Variants in TNNI3K observed in about 807,000 individuals in gnomAD.
The protein encoded by TNNI3K is serine/threonine-protein kinase TNNI3K.
A neutral mutation model predicts 114.5 loss-of-function variants in TNNI3K; 140 were observed. The ratio of observed to expected loss-of-function variants is 1.22; its 90% confidence interval spans 1.07 to 1.41. The LOEUF (loss-of-function observed/expected upper bound fraction) is 1.41, where lower values mean the gene tolerates loss of function less well. Among genes scored for constraint, TNNI3K ranks in the 40% most tolerant of loss-of-function variants. TNNI3K has a pLI of 0.00. For synonymous variants in TNNI3K, 347 were observed against 347.5 expected, an observed-to-expected ratio of 1.00 and a Z score of 0.02; for missense variants, 1,125 against 1,007.6, an observed-to-expected ratio of 1.12 and a Z score of -1.58.
chr1:74,457,750 T>C (rs575930844), intron 20 of TNNI3K, among the ~76,000 whole-genome samples: 96 of 152,162 alleles, frequency 6.3e-4, no homozygotes, highest in Non-Finnish European at 1.3e-3. Flanking sequence ...AAGGTTACTT[T>C]AGGGATTGAG....
At chr1:74,363,857 A>G (rs1662107490) in intron 11 of TNNI3K, among the ~76,000 whole-genome samples, 1 of 151,880 alleles carries the variant, frequency 6.6e-6, no homozygotes, top group Non-Finnish European at 1.5e-5. Context: ...GAAGATTCCA[A>G]AAGCACTATA....
chr1:74,471,836 G>A (rs1185678056), intron 21 of TNNI3K: 4 of 448,526 alleles, frequency 8.9e-6, no homozygotes, highest in Non-Finnish European at 1.6e-5. Context: ...GGCTTTGAGT[G>A]TTGTCTACGA....
At position 74,249,457 on chromosome 1, in the gene TNNI3K, A is replaced by G; in HGVS notation, c.150-2A>G. ...TGATCATCTGTAACATGTTTTTTTC[A>G]GCTCTGATGAAGCCTTCAGTAAAGT... is the stretch of plus-strand genomic sequence containing the variant. On this transcript the variant is annotated splice_acceptor_variant, in intron 2 of 24. Coordinates refer to ENST00000326637, the MANE Select transcript of TNNI3K (RefSeq NM_015978.3). LOFTEE classifies it high-confidence loss of function. The G allele has an allele frequency of 6.2e-7, 1 of 1,610,104 alleles. No homozygotes were observed. The highest frequency in any genetic ancestry group is 8.5e-7 in the Non-Finnish European group (1 of 1,178,608).
chr1:74,375,729 C>T (rs530025078), intron 17 of TNNI3K: 51 of 378,392 alleles, frequency 1.3e-4, no homozygotes, highest in South Asian at 7.6e-4. Flanking sequence ...GACCCCTACC[C>T]ACCAAGTTTT....
intron 23 of TNNI3K, among the ~76,000 whole-genome samples, chr1:74,510,799 C>T (rs1326706345): frequency 1.3e-5 from 2 of 152,228 alleles, no homozygotes; most frequent in Non-Finnish European, 2.9e-5. Flanking sequence ...TCTAGGTACA[C>T]AGCACTGTGT....
intron 17 of TNNI3K, among the ~76,000 whole-genome samples, chr1:74,389,087 A>G (rs1663631071): frequency 6.6e-6 from 1 of 152,256 alleles, no homozygotes; most frequent in Non-Finnish European, 1.5e-5. Context: ...CACAGATACA[A>G]GACTCTCTGG....
intron 17 of TNNI3K, among the ~76,000 whole-genome samples, chr1:74,427,304 C>CTT (rs11463713): frequency 0.11 from 16,139 of 147,100 alleles, 1,381 homozygotes; most frequent in African/African-American, 0.24. Context: ...AAGTTGGAAA[C>CTT]TTTTTTTTTT....
At chr1:74,251,675 G>A (rs1429270104) in intron 4 of TNNI3K, among the ~76,000 whole-genome samples, 1 of 152,130 alleles carries the variant, frequency 6.6e-6, no homozygotes, top group African/African-American at 2.4e-5. Flanking sequence ...GTGTGTGCAC[G>A]TGTGGGAGGA....
intron 22 of TNNI3K, among the ~76,000 whole-genome samples, chr1:74,490,378 C>T (rs1458778846): frequency 6.6e-6 from 1 of 152,196 alleles, no homozygotes; most frequent in Non-Finnish European, 1.5e-5. Flanking sequence ...TTAAAATATC[C>T]TCTCATTTTG....
intron 23 of TNNI3K, among the ~76,000 whole-genome samples, chr1:74,497,494 T>G (rs1007109847): frequency 1.3e-5 from 2 of 152,052 alleles, no homozygotes; most frequent in East Asian, 1.9e-4. Context: ...TTCTCAAACA[T>G]TGCTTCCTCT....
At chr1:74,471,047 T>C (rs1346417819) in intron 21 of TNNI3K, 4 of 400,612 alleles carry the variant, frequency 1.0e-5, no homozygotes, top group East Asian at 3.6e-5. Flanking sequence ...ATTTGCTCAG[T>C]TGAGAATTGA....
At chr1:74,268,506 C>T (rs749166766) in intron 4 of TNNI3K, among the ~76,000 whole-genome samples, 1 of 151,382 alleles carries the variant, frequency 6.6e-6, no homozygotes, top group Non-Finnish European at 1.5e-5. Context: ...GTGCCTAACT[C>T]GTGAAGCAGA....
intron 2 of TNNI3K, among the ~76,000 whole-genome samples, chr1:74,241,828 GT>G: frequency 6.8e-6 from 1 of 146,652 alleles, no homozygotes; most frequent in Non-Finnish European, 1.5e-5. Context: ...TGCTTTTGGT[GT>G]TTTAGACATG....
chr1:74,302,732 A>G (rs1170198730), intron 5 of TNNI3K, among the ~76,000 whole-genome samples: 2 of 152,246 alleles, frequency 1.3e-5, no homozygotes, highest in African/African-American at 2.4e-5. Context: ...GAGGAAATGC[A>G]TAAGAAAAGT....
chr1:74,543,821 C>A, intron 24 of TNNI3K, 85 bp from the exon 25 acceptor site: 2 of 1,510,058 alleles, frequency 1.3e-6, no homozygotes, highest in Non-Finnish European at 1.8e-6. Context: ...ATCTGGAAGA[C>A]CTGCCTGGTT....
intron 21 of TNNI3K, among the ~76,000 whole-genome samples, chr1:74,476,647 T>C (rs1668221605): frequency 6.6e-6 from 1 of 152,132 alleles, no homozygotes; most frequent in Non-Finnish European, 1.5e-5. Flanking sequence ...TCTAATCTTA[T>C]AAATTCTCAA....
chr1:74,324,630 C>T (rs930242987), intron 5 of TNNI3K, among the ~76,000 whole-genome samples: 2 of 152,138 alleles, frequency 1.3e-5, no homozygotes, highest in African/African-American at 2.4e-5. Context: ...GCACACCTTA[C>T]AGGGCCAGTG....
intron 17 of TNNI3K, among the ~76,000 whole-genome samples, chr1:74,421,644 T>C (rs2100635922): frequency 6.6e-6 from 1 of 152,026 alleles, no homozygotes; most frequent in East Asian, 1.9e-4. Flanking sequence ...AATGAGAAAA[T>C]GGTAGATACT....
At chr1:74,420,023 G>T (rs1665318860) in intron 17 of TNNI3K, among the ~76,000 whole-genome samples, 1 of 152,038 alleles carries the variant, frequency 6.6e-6, no homozygotes, top group Non-Finnish European at 1.5e-5. Flanking sequence ...AAATGGCATG[G>T]GTGTTAGGAA....
Sources: allele counts gnomAD v4.1 joint callset (sites outside exome capture counted in the v4.1 genomes callset), GRCh38; gene constraint gnomAD v4.1.1; transcripts MANE v1.5; gene names NCBI Gene and HGNC (gene_info 2026-07-23, HGNC 2026-07-21).